The following FBP1 variants were observed in gnomAD, a reference collection of about 807,000 sequenced individuals.
The protein encoded by FBP1 is fructose-1,6-bisphosphatase 1.
FBP1 carries 22 observed loss-of-function variants against 29.9 expected under a neutral mutation model. That is an observed-to-expected ratio of 0.74 (90% CI 0.53 to 1.05). The LOEUF is 1.05. FBP1 is among the 50% of genes least tolerant of loss of function. The probability of loss-of-function intolerance (pLI) is 0.00; values close to 1 mark genes in which losing one functional copy is unlikely to be tolerated. For missense variants in FBP1, 345 were observed against 448.2 expected, an observed-to-expected ratio of 0.77 and a Z score of 2.08; for synonymous variants, 175 against 178.6, an observed-to-expected ratio of 0.98 and a Z score of 0.16.
Position 94,620,369 on chromosome 9 carries a change from T to A in FBP1, c.293A>T (p.Glu98Val). The A allele has an allele frequency of 1.2e-6, 2 of 1,614,220 alleles. No homozygotes were observed. Among genetic ancestry groups the A allele is most frequent in the Non-Finnish European group, 1.7e-6 (2 of 1,180,036 alleles). Residue 98 changes from glutamate (E) to valine (V), a missense_variant, in exon 2 of 7, where the codon GAA becomes GTA. Physicochemically the swap from Glu to Val is moderately radical, Grantham distance 121 (BLOSUM62 -2). Transcript: ENST00000375326. ...SSFATCVLVS[E>V]EDKHAIIVEP... ...CACTATGATGGCGTGTTTATCTTCT[T>A]CTGACACGAGAACACACGTGGCAAA...
intron 1 of FBP1, among the ~76,000 whole-genome samples, chr9:94,623,453 C>T (rs1303681533): frequency 2.6e-5 from 4 of 152,218 alleles, no homozygotes; most frequent in Non-Finnish European, 5.9e-5. Flanking sequence ...TCTGCCCCCA[C>T]GCGGCTGTCA....
At chr9:94,607,086 C>G (rs569696883) in intron 4 of FBP1, 134 bp from the exon 5 acceptor site, 1 of 1,038,680 alleles carries the variant, frequency 9.6e-7, no homozygotes, top group East Asian at 2.4e-5. Context: ...CTTGGGGCCC[C>G]GAGACACCTG....
At chr9:94,628,852 G>A (rs1828062773) in intron 1 of FBP1, among the ~76,000 whole-genome samples, 1 of 152,062 alleles carries the variant, frequency 6.6e-6, no homozygotes, top group Admixed American at 6.6e-5. Context: ...ACAATGATGA[G>A]GAAACACTAA....
chr9:94,609,294 C>T (rs111788797), intron 4 of FBP1, among the ~76,000 whole-genome samples: 2 of 152,140 alleles, frequency 1.3e-5, no homozygotes, highest in South Asian at 4.1e-4. Flanking sequence ...CAATGTCGTC[C>T]ACTGCTTCAG....
intron 3 of FBP1, 124 bp from the exon 4 acceptor site, chr9:94,610,185 G>A (rs2131477094): frequency 2.1e-6 from 2 of 969,280 alleles, no homozygotes; most frequent in Middle Eastern, 2.8e-4. Context: ...CTTCCCAGAG[G>A]GGCCTTCCCC....
At chr9:94,636,495 A>C (rs1463453139) in intron 1 of FBP1, among the ~76,000 whole-genome samples, 2 of 151,876 alleles carry the variant, frequency 1.3e-5, no homozygotes, top group African/African-American at 4.8e-5. Context: ...ATAAATAAAT[A>C]AAACGCATAC....
At chr9:94,622,639 C>T (rs1209623623) in intron 1 of FBP1, among the ~76,000 whole-genome samples, 2 of 152,232 alleles carry the variant, frequency 1.3e-5, no homozygotes, top group East Asian at 3.8e-4. Context: ...ATTCCCTTTC[C>T]AGCCTGCAAA....
At chr9:94,605,356 T>C in intron 6 of FBP1, 101 bp downstream of exon 6, 1 of 1,243,702 alleles carries the variant, frequency 8.0e-7, no homozygotes, top group Non-Finnish European at 1.1e-6. Context: ...CAACCTAGCA[T>C]GGAGCGTAAT....
At chr9:94,635,366 A>T (rs59707858) in intron 1 of FBP1, among the ~76,000 whole-genome samples, 8,115 of 152,292 alleles carry the variant, frequency 0.053, 756 homozygotes, top group African/African-American at 0.18. Context: ...GAGCAATGAA[A>T]GTGACTACAA....
At chr9:94,636,086 T>C (rs951557247) in intron 1 of FBP1, among the ~76,000 whole-genome samples, 1 of 152,182 alleles carries the variant, frequency 6.6e-6, no homozygotes, top group African/African-American at 2.4e-5. Flanking sequence ...GGGGTGGGTT[T>C]CACTCTTCCC....
chr9:94,603,646 A>G, intron 6 of FBP1, 74 bp from the exon 7 acceptor site: 2 of 1,317,368 alleles, frequency 1.5e-6, no homozygotes, highest in Non-Finnish European at 2.2e-6. Flanking sequence ...TTCTGCAGCA[A>G]AACATGCAGA....
At chr9:94,616,281 G>C (rs903377807) in intron 3 of FBP1, among the ~76,000 whole-genome samples, 1 of 152,030 alleles carries the variant, frequency 6.6e-6, no homozygotes, top group African/African-American at 2.4e-5. Flanking sequence ...GACTTAGAAG[G>C]GGGTGATGGG....
intron 3 of FBP1, among the ~76,000 whole-genome samples, chr9:94,613,415 C>T (rs1827813628): frequency 6.6e-6 from 1 of 152,198 alleles, no homozygotes; most frequent in African/African-American, 2.4e-5. Context: ...TTTGGACAAA[C>T]CATGATGGTT....
chr9:94,608,597 A>G (rs375629188), intron 4 of FBP1, among the ~76,000 whole-genome samples: 154 of 152,214 alleles, frequency 1.0e-3, no homozygotes, highest in African/African-American at 3.6e-3. Context: ...TGGTTCTGCC[A>G]CTAACTCCCC....
chr9:94,629,222 C>T (rs968395776), intron 1 of FBP1, among the ~76,000 whole-genome samples: 8 of 152,138 alleles, frequency 5.3e-5, no homozygotes, highest in East Asian at 1.9e-4. Flanking sequence ...CCCCACGATC[C>T]GCCCATCTTG....
At chr9:94,618,040 C>T (rs972519502) in intron 2 of FBP1, among the ~76,000 whole-genome samples, 180 bp from the exon 3 acceptor site, 3 of 152,142 alleles carry the variant, frequency 2.0e-5, no homozygotes, top group African/African-American at 4.8e-5. Context: ...CACACACATA[C>T]ACACAAGACC....
intron 1 of FBP1, among the ~76,000 whole-genome samples, chr9:94,622,950 C>T (rs1215258599): frequency 6.6e-6 from 1 of 151,908 alleles, no homozygotes; most frequent in African/African-American, 2.4e-5. Context: ...CTGAGAGTTG[C>T]ACTGTCAAAG....
intron 6 of FBP1, among the ~76,000 whole-genome samples, chr9:94,604,248 AAAG>A (rs1011387212): frequency 1.3e-5 from 2 of 152,174 alleles, no homozygotes; most frequent in East Asian, 1.9e-4. Context: ...CCAAAAAAAA[AAAG>A]AAGGAGCCTC....
Position 94,603,149 on chromosome 9 carries a change from A to G in FBP1, c.*232T>C. Reference sequence around the variant, plus strand: ...AAGGGAGACTTTTTTTTAAGGAGGAATAAGTTTATTTCTCCTCCATCCACT... The same window carrying G: ...AAGGGAGACTTTTTTTTAAGGAGGAGTAAGTTTATTTCTCCTCCATCCACT... On this transcript the variant is annotated 3_prime_UTR_variant, in exon 7 of 7. Coordinates refer to ENST00000375326, the MANE Select transcript of FBP1 (RefSeq NM_000507.4). 1.8e-6 allele frequency: 1 copy of G among 562,720 alleles called. No individual in the cohort carries two copies. 34.9% of individuals were successfully genotyped at this position (562,720 alleles called of 1,614,324 possible). A position where few individuals can be genotyped will look rare whatever the true frequency, so the allele number is the denominator to read the frequency against.
Sources: gnomAD v4.1 joint callset for allele counts (sites outside exome capture counted in the v4.1 genomes callset) on GRCh38, gnomAD v4.1.1 for gene constraint, MANE v1.5 for transcripts, NCBI Gene and HGNC (gene_info 2026-07-23, HGNC 2026-07-21) for gene names.